The following GRM8 variants were observed in gnomAD, a reference collection of about 807,000 sequenced individuals.
GRM8 encodes the protein metabotropic glutamate receptor 8.
A neutral mutation model predicts 87.2 loss-of-function variants in GRM8; 47 were observed. That is an observed-to-expected ratio of 0.54 (90% CI 0.43 to 0.69). The LOEUF (loss-of-function observed/expected upper bound fraction) is 0.69, where lower values mean the gene tolerates loss of function less well. Among genes scored for constraint, GRM8 ranks in the 30% least tolerant of loss-of-function variants. The pLI is 0.00. For synonymous variants in GRM8, 396 were observed against 404.5 expected (o/e 0.98, Z 0.25); for missense variants, 1,019 against 1,139.2 (o/e 0.89, Z 1.52).
intron 8 of GRM8, among the ~76,000 whole-genome samples, chr7:126,541,101 C>G (rs1463859025): frequency 6.6e-6 from 1 of 152,054 alleles, no homozygotes; most frequent in Non-Finnish European, 1.5e-5. Flanking sequence ...CCTCCAGACA[C>G]AACGTAGATG....
At chr7:126,467,795 G>T (rs1375864018) in intron 9 of GRM8, among the ~76,000 whole-genome samples, 1 of 151,924 alleles carries the variant, frequency 6.6e-6, no homozygotes, top group Non-Finnish European at 1.5e-5. Flanking sequence ...AAATTCCATT[G>T]CATACAAATA....
At chr7:126,899,716 C>T (rs1253362475) in intron 6 of GRM8, among the ~76,000 whole-genome samples, 5 of 146,692 alleles carry the variant, frequency 3.4e-5, no homozygotes, top group African/African-American at 5.1e-5. Context: ...TGCATTTATT[C>T]TCTTTCACTA....
rs1406619881 is a variant in GRM8, at chr7:126,685,048, C to T, written c.1358-75550G>A. Among the ~76,000 whole-genome samples, 10 of 152,306 alleles carry T rather than the reference C, an allele frequency of 6.6e-5. No individual in the cohort carries two copies. The highest frequency in any genetic ancestry group is 2.2e-4 in the African/African-American group (9 of 41,578). ...CAGTGGTGGCCATGGGACCCCTGTG[C>T]CCTGCGTCCCCAAGGAAGCTGACTG... is the stretch of plus-strand genomic sequence containing the variant. On this transcript the variant is annotated intron_variant, in intron 7 of 10. Transcript: ENST00000339582. The surrounding 1 kb of genome is among the most constrained non-coding windows in gnomAD (Gnocchi z 4.2).
intron 6 of GRM8, among the ~76,000 whole-genome samples, chr7:126,807,697 G>T (rs1483859212): frequency 6.6e-6 from 1 of 151,850 alleles, no homozygotes; most frequent in Non-Finnish European, 1.5e-5. Context: ...AATCCCAGTT[G>T]CCTCTAAAGA....
At chr7:126,752,613 G>A (rs1020784485) in intron 7 of GRM8, among the ~76,000 whole-genome samples, 6 of 152,028 alleles carry the variant, frequency 3.9e-5, no homozygotes, top group Non-Finnish European at 7.4e-5. Context: ...TAGATGATGT[G>A]TCATTTTAAC....
At chr7:126,880,426 A>G (rs1177059367) in intron 6 of GRM8, among the ~76,000 whole-genome samples, 3 of 152,198 alleles carry the variant, frequency 2.0e-5, no homozygotes, top group African/African-American at 7.2e-5. Flanking sequence ...GATCTGAAAT[A>G]TTGTTAACTA....
chr7:127,242,119 A>C (rs1023091537), intron 2 of GRM8, among the ~76,000 whole-genome samples: 1 of 152,242 alleles, frequency 6.6e-6, no homozygotes, highest in South Asian at 2.1e-4. Context: ...CCAAGTCTGT[A>C]TCAGAGCAGT....
intron 3 of GRM8, among the ~76,000 whole-genome samples, chr7:127,075,550 T>G (rs547049982): frequency 1.3e-5 from 2 of 152,056 alleles, no homozygotes; most frequent in Non-Finnish European, 2.9e-5. Flanking sequence ...AACAGAGAAA[T>G]CAGGAATAAA....
intron 3 of GRM8, among the ~76,000 whole-genome samples, chr7:126,932,266 C>A (rs149648069): frequency 0.017 from 2,537 of 152,070 alleles, 27 homozygotes; most frequent in Non-Finnish European, 0.024. Flanking sequence ...GCAGTGGAAA[C>A]CAAAGTGTGT....
chr7:126,439,881 TA>T (rs928883171), intron 10 of GRM8, among the ~76,000 whole-genome samples: 1 of 148,894 alleles, frequency 6.7e-6, no homozygotes, highest in African/African-American at 2.5e-5. Context: ...ACAAGAAGTT[TA>T]AAAAGTAAAA....
chr7:126,778,434 G>T (rs772094337), intron 6 of GRM8, among the ~76,000 whole-genome samples: 44 of 152,198 alleles, frequency 2.9e-4, no homozygotes, highest in Non-Finnish European at 4.4e-4. Context: ...AAAACCTAAG[G>T]TAAGTGGCAA....
At chr7:127,200,719 C>T (rs1031211279) in intron 2 of GRM8, among the ~76,000 whole-genome samples, 2 of 152,174 alleles carry the variant, frequency 1.3e-5, no homozygotes, top group Non-Finnish European at 2.9e-5. Context: ...TGGCTTTCGC[C>T]CCTGTGTGTG....
intron 2 of GRM8, among the ~76,000 whole-genome samples, chr7:127,145,673 A>G (rs1274626375): frequency 6.6e-6 from 1 of 152,140 alleles, no homozygotes; most frequent in African/African-American, 2.4e-5. Flanking sequence ...TGGGCCATTC[A>G]ACACTTTGAA....
intron 1 of GRM8, among the ~76,000 whole-genome samples, chr7:127,244,245 T>C (rs1021423252): frequency 6.6e-6 from 1 of 152,174 alleles, no homozygotes; most frequent in Non-Finnish European, 1.5e-5. Context: ...ATGGGTATAT[T>C]AACAGTTCTG....
chr7:127,092,413 T>TG (rs1824222727), intron 3 of GRM8, among the ~76,000 whole-genome samples: 1 of 152,148 alleles, frequency 6.6e-6, no homozygotes, highest in Non-Finnish European at 1.5e-5. Flanking sequence ...AATAAAACAT[T>TG]GGCTGGGCAC....
intron 3 of GRM8, among the ~76,000 whole-genome samples, chr7:126,987,838 A>G (rs893405616): frequency 1.2e-4 from 19 of 152,226 alleles, no homozygotes; most frequent in Non-Finnish European, 1.8e-4. Flanking sequence ...CAACAGCCAG[A>G]GAGTTAAACT....
At chr7:126,795,348 C>A (rs1821843327) in intron 6 of GRM8, among the ~76,000 whole-genome samples, 1 of 151,906 alleles carries the variant, frequency 6.6e-6, no homozygotes, top group South Asian at 2.1e-4. Context: ...ATTTGTTTTC[C>A]CCAAAATTTT....
intron 3 of GRM8, among the ~76,000 whole-genome samples, chr7:126,914,886 C>A (rs890320180): frequency 6.6e-6 from 1 of 152,160 alleles, no homozygotes; most frequent in African/African-American, 2.4e-5. Context: ...ACCCCTGTAA[C>A]AAACCTGCTC....
chr7:127,050,766 A>G (rs953351674), intron 3 of GRM8, among the ~76,000 whole-genome samples: 1 of 152,140 alleles, frequency 6.6e-6, no homozygotes, highest in Non-Finnish European at 1.5e-5. Flanking sequence ...TTCCCTTTTT[A>G]CTTTTTCTTC....
Sources: gnomAD v4.1 joint callset for allele counts (sites outside exome capture counted in the v4.1 genomes callset) on GRCh38, gnomAD v4.1.1 for gene constraint, Gnocchi (gnomAD v3.1) non-coding constraint, MANE v1.5 for transcripts, NCBI Gene and HGNC (gene_info 2026-07-23, HGNC 2026-07-21) for gene names.